CNTN6: variants seen among roughly 807,000 people sequenced by gnomAD.
The protein encoded by CNTN6 is contactin-6.
In CNTN6, 137 loss-of-function variants were observed where a neutral mutation model predicts 122.8. That is an observed-to-expected ratio of 1.12 (90% CI 0.97 to 1.29). The LOEUF is 1.29. Ranked by LOEUF, CNTN6 falls within the 50% of genes most tolerant of loss-of-function variation. The pLI is 0.00. For missense variants in CNTN6, 1,634 were observed against 1,223.4 expected (o/e 1.34, Z -5.01); for synonymous variants, 570 against 426.0 (o/e 1.34, Z -4.16).
intron 12 of CNTN6, among the ~76,000 whole-genome samples, chr3:1,357,259 G>A (rs1021189485): frequency 6.6e-6 from 1 of 151,726 alleles, no homozygotes; most frequent in African/African-American, 2.4e-5. Flanking sequence ...GCCAGTTGAA[G>A]GAGACCAGAC....
At chr3:1,112,060 G>A (rs560325109) in intron 1 of CNTN6, among the ~76,000 whole-genome samples, 6 of 152,160 alleles carry the variant, frequency 3.9e-5, no homozygotes, top group Non-Finnish European at 8.8e-5. Flanking sequence ...AGGAGATCAT[G>A]ATACGAATAA....
intron 11 of CNTN6, among the ~76,000 whole-genome samples, chr3:1,346,190 A>G (rs914446761): frequency 6.6e-6 from 1 of 152,174 alleles, no homozygotes; most frequent in Non-Finnish European, 1.5e-5. Context: ...TAGTGACAAA[A>G]AAGGATGTGA....
rs530010395 is a variant in CNTN6 at position 1,347,647 on chromosome 3, GTAAC to G, written c.1365-4675_1365-4672del. On this transcript the variant is annotated intron_variant, in intron 11 of 22. Transcript: ENST00000446702. ...ACAAACAGAGTGAGAATCAGAAATA[GTAAC>G]TGGAGTCTTGGAAGAGAGAAAATGT... Among the ~76,000 whole-genome samples, 70 of 152,218 alleles carry G rather than the reference GTAAC, an allele frequency of 4.6e-4. No homozygotes were observed. In the East Asian group the frequency reaches 0.013, roughly 28 times the overall value.
chr3:1,297,091 T>C (rs547514001), intron 6 of CNTN6, among the ~76,000 whole-genome samples: 2 of 152,250 alleles, frequency 1.3e-5, no homozygotes, highest in South Asian at 4.1e-4. Context: ...CACTACCTTC[T>C]CACCATAACC....
chr3:1,315,618 T>C (rs990903284), intron 7 of CNTN6, among the ~76,000 whole-genome samples: 4 of 152,000 alleles, frequency 2.6e-5, no homozygotes, highest in African/African-American at 9.7e-5. Context: ...TAATATTATT[T>C]TAAAATATCT....
chr3:1,344,045 A>G (rs948693619), intron 11 of CNTN6, among the ~76,000 whole-genome samples: 7 of 152,216 alleles, frequency 4.6e-5, no homozygotes, highest in African/African-American at 1.2e-4. Context: ...ACTCCGTATC[A>G]GAAGACCTGT....
intron 2 of CNTN6, among the ~76,000 whole-genome samples, chr3:1,180,468 A>G (rs2093533306): frequency 6.6e-6 from 1 of 152,172 alleles, no homozygotes; most frequent in African/African-American, 2.4e-5. Flanking sequence ...CTAGTTTGAC[A>G]TTGTTACCCT....
At chr3:1,388,294 AG>A (rs1398567119) in intron 20 of CNTN6, among the ~76,000 whole-genome samples, 2 of 147,920 alleles carry the variant, frequency 1.4e-5, no homozygotes, top group Non-Finnish European at 3.0e-5. Context: ...ACCCCCCAGC[AG>A]GGGCACACTG....
At chr3:1,188,374 G>C (rs995406737) in intron 2 of CNTN6, among the ~76,000 whole-genome samples, 2 of 152,188 alleles carry the variant, frequency 1.3e-5, no homozygotes, top group African/African-American at 4.8e-5. Context: ...GTACATTCAT[G>C]TATTAAGGCT....
intron 17 of CNTN6, among the ~76,000 whole-genome samples, chr3:1,379,581 A>AT (rs892871142): frequency 1.7e-4 from 25 of 150,636 alleles, no homozygotes; most frequent in African/African-American, 4.4e-4. Context: ...TAAAAGTTGA[A>AT]TTTTTTTTTT....
chr3:1,263,082 T>A (rs1191733745), intron 4 of CNTN6, among the ~76,000 whole-genome samples: 1 of 152,118 alleles, frequency 6.6e-6, no homozygotes, highest in African/African-American at 2.4e-5. Flanking sequence ...TCAAATAATA[T>A]ACCTATTTTC....
At chr3:1,300,574 AAAG>A (rs1353258571) in intron 7 of CNTN6, among the ~76,000 whole-genome samples, 1,206 of 118,198 alleles carry the variant, frequency 0.01, 9 homozygotes, top group Middle Eastern at 0.015. Context: ...AGAAAGAAAG[AAAG>A]AAAGAAAGAA....
intron 4 of CNTN6, among the ~76,000 whole-genome samples, chr3:1,275,817 C>T (rs1178679301): frequency 6.6e-6 from 1 of 152,050 alleles, no homozygotes; most frequent in Non-Finnish European, 1.5e-5. Context: ...GGGCAGAGCT[C>T]AGGAGGTAAT....
At chr3:1,352,228 C>A in intron 11 of CNTN6, 96 bp from the exon 12 acceptor site, 1 of 1,101,990 alleles carries the variant, frequency 9.1e-7, no homozygotes, top group Non-Finnish European at 1.2e-6. Flanking sequence ...TCACATACAC[C>A]CATGATTTTA....
At chr3:1,183,573 C>A (rs3772361) in intron 2 of CNTN6, among the ~76,000 whole-genome samples, 1 of 151,996 alleles carries the variant, frequency 6.6e-6, no homozygotes, top group African/African-American at 2.4e-5. Context: ...TCTGCACATT[C>A]TGGACACATT....
chr3:1,138,629 C>T (rs1409681461), intron 1 of CNTN6, among the ~76,000 whole-genome samples: 1 of 151,816 alleles, frequency 6.6e-6, no homozygotes, highest in Non-Finnish European at 1.5e-5. Context: ...TTTCCTCTAC[C>T]ACTCTAATAT....
In CNTN6 at chr3:1,098,094, C is replaced by T. The variant is rs1296276652; in HGVS notation, c.-83+4974C>T. ...ATGATCAAGAAAAAGGGTATATTTG[C>T]GGGGGGGGGAGGGATAGCATTGGGA... On this transcript the variant is annotated intron_variant, in intron 1 of 22. Transcript: ENST00000446702. Among the ~76,000 whole-genome samples the T allele has an allele frequency of 9.0e-5, 11 of 122,538 alleles. No individual in the cohort carries two copies. In the South Asian group the frequency reaches 1.4e-3, roughly 15 times the overall value. 80.4% of individuals were successfully genotyped at this position (122,538 alleles called of 152,430 possible).
intron 5 of CNTN6, among the ~76,000 whole-genome samples, chr3:1,284,032 A>G (rs1693930860): frequency 6.6e-6 from 1 of 152,104 alleles, no homozygotes; most frequent in Non-Finnish European, 1.5e-5. Flanking sequence ...CAAAAAAGAA[A>G]CTAAGTCCCG....
At chr3:1,206,039 G>C (rs11919853) in intron 2 of CNTN6, among the ~76,000 whole-genome samples, 50,345 of 152,004 alleles carry the variant, frequency 0.33, 8,878 homozygotes, top group African/African-American at 0.47. Flanking sequence ...AAGTAGTTAA[G>C]AGTCATTGAA....
Sources: allele counts gnomAD v4.1 joint callset (sites outside exome capture counted in the v4.1 genomes callset), GRCh38; gene constraint gnomAD v4.1.1; transcripts MANE v1.5; gene names NCBI Gene and HGNC (gene_info 2026-07-23, HGNC 2026-07-21).